The following NCKAP1 variants were observed in gnomAD, a reference collection of about 807,000 sequenced individuals.
The protein encoded by NCKAP1 is NCK associated protein 1.
In NCKAP1, 21 loss-of-function variants were observed where a neutral mutation model predicts 151.2. The ratio of observed to expected loss-of-function variants is 0.14; its 90% CI spans 0.10 to 0.20. The LOEUF (loss-of-function observed/expected upper bound fraction) is 0.20, where lower values mean the gene tolerates loss of function less well. Ranked by LOEUF, NCKAP1 falls within the 10% of genes least tolerant of loss-of-function variation. The pLI, the probability that NCKAP1 is intolerant of heterozygous loss-of-function variation, is 1.00. For missense variants in NCKAP1, 933 were observed against 1,352.1 expected (o/e 0.69, Z 4.86); for synonymous variants, 484 against 451.8 (o/e 1.07, Z -0.90).
rs1696489331 is a variant in NCKAP1 at position 182,917,644 on chromosome 2, T to A, written c.*8058A>T. 1 of 152,182 alleles carries A rather than the reference T, an allele frequency of 6.6e-6. No homozygotes were observed. Among genetic ancestry groups the A allele is most frequent in the Non-Finnish European group, 1.5e-5 (1 of 68,016 alleles). 9.4% of individuals were successfully genotyped at this position (152,182 alleles called of 1,614,324 possible). Reference sequence around the variant, plus strand: ...AGAGCTCTTGGCACGAACTTTAATATTAGACCAAGTGTTGTATGTTCCAGT... The same window carrying A: ...AGAGCTCTTGGCACGAACTTTAATAATAGACCAAGTGTTGTATGTTCCAGT... On this transcript the variant is annotated 3_prime_UTR_variant, in exon 31 of 31. Coordinates refer to ENST00000361354, the MANE Select transcript of NCKAP1 (RefSeq NM_013436.5).
In NCKAP1 at chr2:182,975,637, T is replaced by C. The variant is rs28507393; in HGVS notation, c.1482+1256A>G. ...TAACAGCAAAACAGGCCAGGCACTG[T>C]GGCTCATGCCTGTAATCCCAGCACT... On this transcript the variant is annotated intron_variant, in intron 15 of 30. Transcript: ENST00000361354. Among the ~76,000 whole-genome samples, 578 of 152,342 alleles carry C rather than the reference T, an allele frequency of 3.8e-3. 8 individuals carry two copies. The highest frequency in any genetic ancestry group is 0.038 in the East Asian group (196 of 5,196).
chr2:182,955,988 T>A (rs974319430), intron 20 of NCKAP1, among the ~76,000 whole-genome samples: 3 of 152,208 alleles, frequency 2.0e-5, no homozygotes, highest in African/African-American at 7.2e-5. Context: ...CTAATAGGTA[T>A]GAGAAAAGAA....
At chr2:182,936,872 TG>T (rs1232564639) in intron 24 of NCKAP1, among the ~76,000 whole-genome samples, 3 of 151,950 alleles carry the variant, frequency 2.0e-5, no homozygotes, top group Non-Finnish European at 2.9e-5. Flanking sequence ...GAGACTAGGT[TG>T]GGTGGCTGAG....
chr2:182,960,915 C>G (rs1383389053), intron 18 of NCKAP1, among the ~76,000 whole-genome samples: 1 of 151,982 alleles, frequency 6.6e-6, no homozygotes, highest in African/African-American at 2.4e-5. Context: ...CAAAAAGTGG[C>G]TGAAGGATAT....
chr2:182,978,348 T>G (rs1175146058), intron 14 of NCKAP1, among the ~76,000 whole-genome samples: 1 of 152,210 alleles, frequency 6.6e-6, no homozygotes, highest in Non-Finnish European at 1.5e-5. Flanking sequence ...TGAGCTCAAA[T>G]TCCTACTTTT....
At chr2:183,013,407 T>C (rs995952466) in intron 2 of NCKAP1, among the ~76,000 whole-genome samples, 4 of 152,134 alleles carry the variant, frequency 2.6e-5, no homozygotes, top group Admixed American at 6.6e-5. Flanking sequence ...TATCTTGACA[T>C]GAGTTCAGGC....
chr2:182,998,056 A>C (rs1431776436), intron 6 of NCKAP1, among the ~76,000 whole-genome samples: 2 of 152,212 alleles, frequency 1.3e-5, no homozygotes, highest in African/African-American at 4.8e-5. Flanking sequence ...TTAACCACAT[A>C]AACAAAAATT....
At chr2:182,952,307 G>T in intron 23 of NCKAP1, 98 bp downstream of exon 23, 2 of 715,034 alleles carry the variant, frequency 2.8e-6, no homozygotes, top group Non-Finnish European at 4.4e-6. Context: ...TTTCATGTTG[G>T]ATTAAAATAA....
rs546864881 is a variant in NCKAP1, at chr2:182,954,477, C to A, written c.2154-1146G>T. Reference sequence around the variant, plus strand: ...GACAAATCCCATCACTAGAAACAGGCCAAGAAGAGCCAACGCAAGATGAAA... The same window carrying A: ...GACAAATCCCATCACTAGAAACAGGACAAGAAGAGCCAACGCAAGATGAAA... On this transcript the variant is annotated intron_variant, in intron 20 of 30. Transcript: ENST00000361354. 2.4e-4 allele frequency among the ~76,000 whole-genome samples: 36 copies of A among 152,218 alleles called. 1 individual carries two copies. The highest frequency in any genetic ancestry group is 8.7e-4 in the African/African-American group (36 of 41,544).
At chr2:182,986,029 A>T (rs892715280) in intron 10 of NCKAP1, 142 bp downstream of exon 10, 1 of 735,200 alleles carries the variant, frequency 1.4e-6, no homozygotes, top group African/African-American at 1.8e-5. Context: ...GAGGCAATAT[A>T]CTTAATAATT....
chr2:182,933,645 G>C (rs1696811633), intron 26 of NCKAP1, among the ~76,000 whole-genome samples: 1 of 151,918 alleles, frequency 6.6e-6, no homozygotes, highest in Admixed American at 6.6e-5. Flanking sequence ...CACCCACCTT[G>C]CTCAGGTGAT....
chr2:182,969,143 A>C (rs2105840685), intron 15 of NCKAP1, among the ~76,000 whole-genome samples: 1 of 152,340 alleles, frequency 6.6e-6, no homozygotes, highest in East Asian at 1.9e-4. Flanking sequence ...CATTTTTAAA[A>C]AGCAGAATTT....
chr2:182,956,719 A>C (rs1697335780), intron 19 of NCKAP1, 126 bp from the exon 20 acceptor site: 1 of 976,708 alleles, frequency 1.0e-6, no homozygotes, highest in Middle Eastern at 3.4e-4. Flanking sequence ...TATTCTCCTA[A>C]ACTGAGAAAG....
At chr2:182,928,323 C>T in intron 28 of NCKAP1, 97 bp from the exon 29 acceptor site, 1 of 801,248 alleles carries the variant, frequency 1.2e-6, no homozygotes, top group East Asian at 2.6e-5. Flanking sequence ...TAAATAGGGG[C>T]ATAATTAAGA....
chr2:183,009,060 T>G (rs9751944), intron 2 of NCKAP1, among the ~76,000 whole-genome samples: 151,729 of 152,246 alleles, frequency 1, 75,612 homozygotes, highest in Middle Eastern at 1. Context: ...CTGAGGAAAC[T>G]GTAGTAAATA....
intron 6 of NCKAP1, among the ~76,000 whole-genome samples, 197 bp downstream of exon 6, chr2:183,001,756 A>G (rs1156774719): frequency 6.6e-6 from 1 of 152,176 alleles, no homozygotes; most frequent in East Asian, 1.9e-4. Context: ...ATCAATCAAT[A>G]TATTCTTGAG....
At chr2:182,999,313 C>A (rs76804793) in intron 6 of NCKAP1, among the ~76,000 whole-genome samples, 8,467 of 152,010 alleles carry the variant, frequency 0.056, 356 homozygotes, top group African/African-American at 0.12. Flanking sequence ...TCAAACCACC[C>A]CACTAAAATG....
At chr2:183,036,341 A>G (rs899934994) in intron 1 of NCKAP1, among the ~76,000 whole-genome samples, 5 of 152,186 alleles carry the variant, frequency 3.3e-5, no homozygotes, top group African/African-American at 1.2e-4. Flanking sequence ...AGAAACCATC[A>G]TAACCATTTC....
chr2:182,918,727 G>A lies in NCKAP1; in HGVS notation c.*6975C>T, dbSNP rs2105789452. On this transcript the variant is annotated 3_prime_UTR_variant, in exon 31 of 31. Coordinates refer to ENST00000361354, the MANE Select transcript of NCKAP1 (RefSeq NM_013436.5). ...GTCTAGGGATAAAAAACTACACATT[G>A]GGTACAATGCATACTACCTGGGTGA... 2 of 152,284 alleles carry A rather than the reference G, an allele frequency of 1.3e-5. No homozygotes were observed. The highest frequency in any genetic ancestry group is 6.8e-3 in the Middle Eastern group (2 of 294). The allele number at this position is 152,284 out of a possible 1,614,324, so 9.4% of individuals were successfully genotyped here.
Sources: gnomAD v4.1 joint callset for allele counts (sites outside exome capture counted in the v4.1 genomes callset) on GRCh38, gnomAD v4.1.1 for gene constraint, MANE v1.5 for transcripts, NCBI Gene and HGNC (gene_info 2026-07-23, HGNC 2026-07-21) for gene names.